The following MELK variants were observed in gnomAD, a reference collection of about 807,000 sequenced individuals.
MELK encodes the protein pEg3 kinase.
In MELK, 81 loss-of-function variants were observed where a neutral mutation model predicts 85.0. That is an observed-to-expected ratio of 0.95 (90% CI 0.80 to 1.15). The LOEUF (loss-of-function observed/expected upper bound fraction) is 1.15, where lower values mean the gene tolerates loss of function less well. Ranked by LOEUF, MELK falls within the 50% of genes most tolerant of loss-of-function variation. MELK has a pLI of 0.00. For synonymous variants in MELK, 252 were observed against 265.0 expected, an observed-to-expected ratio of 0.95 and a Z score of 0.48; for missense variants, 754 against 777.5, an observed-to-expected ratio of 0.97 and a Z score of 0.36.
chr9:36,583,676 G>C lies in MELK; in HGVS notation c.108G>C (p.Met36Ile), dbSNP rs199697478. ...KLACHILTGE[M>I]VAIKIMDKNT... ...CCTGCCATATCCTTACTGGAGAGAT[G>C]GTAGCTATAAAAATCATGGATAAAA... Residue 36 changes from methionine (M) to isoleucine (I), a missense_variant, in exon 3 of 18, where the codon ATG becomes ATC. Met to Ile is a conservative substitution (Grantham distance 10). Coordinates refer to ENST00000298048, the MANE Select transcript of MELK (RefSeq NM_014791.4). 1 of 1,612,606 alleles carries C rather than the reference G, an allele frequency of 6.2e-7. No homozygotes were observed. Among genetic ancestry groups the C allele is most frequent in the East Asian group, 2.2e-5 (1 of 44,802 alleles).
intron 8 of MELK, among the ~76,000 whole-genome samples, chr9:36,620,368 C>T (rs1392854826): frequency 2.0e-5 from 3 of 152,136 alleles, no homozygotes; most frequent in Non-Finnish European, 4.4e-5. Context: ...GGCTTTCCCA[C>T]GCATTTTAGG....
At chr9:36,652,011 GA>G in intron 12 of MELK, 134 bp downstream of exon 12, 2 of 482,646 alleles carry the variant, frequency 4.1e-6, no homozygotes, top group Non-Finnish European at 6.3e-6. Flanking sequence ...TTTTTGATGA[GA>G]AAAATGGGAA....
chr9:36,590,373 A>C (rs1419953775), intron 4 of MELK, among the ~76,000 whole-genome samples: 2 of 152,092 alleles, frequency 1.3e-5, no homozygotes, highest in African/African-American at 4.8e-5. Flanking sequence ...TTCCTTCTGG[A>C]GGTTCTGAGA....
At position 36,665,400 on chromosome 9, in the gene MELK, T is replaced by C; in HGVS notation, c.1227T>C (p.Thr409=). Residue 409 remains threonine (T), a synonymous_variant, in exon 14 of 18, where the codon ACT becomes ACC. Transcript: ENST00000298048. ...ESNGVESKSL[T]PALCRTPANK... is the part of the protein sequence containing the mutation. ...ATGGGGTGGAATCTAAATCATTAAC[T>C]CCAGCCTTATGCAGAACACCTGCAA... 3 of 1,613,710 alleles carry C rather than the reference T, an allele frequency of 1.9e-6. No individual in the cohort carries two copies. Among genetic ancestry groups the C allele is most frequent in the Non-Finnish European group, 1.7e-6 (2 of 1,179,808 alleles).
chr9:36,604,998 G>C (rs561429672), intron 7 of MELK, among the ~76,000 whole-genome samples: 64 of 151,980 alleles, frequency 4.2e-4, no homozygotes, highest in Non-Finnish European at 8.1e-4. Context: ...CCCCAGGCTG[G>C]AGTGCAATGG....
intron 14 of MELK, among the ~76,000 whole-genome samples, chr9:36,667,746 C>G (rs544050221): frequency 6.6e-6 from 1 of 151,692 alleles, no homozygotes; most frequent in Non-Finnish European, 1.5e-5. Context: ...TTTCTTTTTT[C>G]TCTTCTCTCC....
chr9:36,634,861 G>C (rs890048857), intron 10 of MELK, among the ~76,000 whole-genome samples: 1 of 151,852 alleles, frequency 6.6e-6, no homozygotes, highest in Non-Finnish European at 1.5e-5. Context: ...GCTGGGCGTG[G>C]TGGCACACAC....
rs76258907 is a variant in MELK at position 36,598,186 on chromosome 9, GT to G, written c.474+913del. Reference sequence around the variant, plus strand: ...CTGGGAACCAAATGCTAGAAGGCAGGTTTTTTTTTTTTTTTTTGATTGACAA... The same window carrying G: ...CTGGGAACCAAATGCTAGAAGGCAGGTTTTTTTTTTTTTTTTGATTGACAA... On this transcript the variant is annotated intron_variant, in intron 6 of 17. Transcript: ENST00000298048. Among the ~76,000 whole-genome samples the G allele has an allele frequency of 7.1e-3, 966 of 135,754 alleles. 3 individuals carry two copies. Among genetic ancestry groups the G allele is most frequent in the African/African-American group, 0.014 (527 of 37,092 alleles). 89.1% of individuals were successfully genotyped at this position (135,754 alleles called of 152,430 possible). A position where few individuals can be genotyped will look rare whatever the true frequency, so the allele number is the denominator to read the frequency against.
At chr9:36,621,306 A>AAAAAAAAAAAAAAAAAAAAAT (rs1827416995) in intron 8 of MELK, among the ~76,000 whole-genome samples, 1 of 140,718 alleles carries the variant, frequency 7.1e-6, no homozygotes, top group South Asian at 2.3e-4. Context: ...AAAAAAAAAA[A>AAAAAAAAAAAAAAAAAAAAAT]AAAAAAAAAA....
intron 4 of MELK, among the ~76,000 whole-genome samples, chr9:36,592,235 C>A (rs930081988): frequency 2.8e-5 from 4 of 141,280 alleles, no homozygotes; most frequent in Non-Finnish European, 6.0e-5. Flanking sequence ...AGTGCAATGG[C>A]GTAACCTTGG....
chr9:36,635,258 T>G (rs1829013242), intron 10 of MELK, among the ~76,000 whole-genome samples: 1 of 149,916 alleles, frequency 6.7e-6, no homozygotes, highest in Non-Finnish European at 1.5e-5. Flanking sequence ...ATTTATTTAT[T>G]TAATTTTAAT....
chr9:36,646,302 A>G (rs987476723), intron 11 of MELK, among the ~76,000 whole-genome samples: 1 of 152,198 alleles, frequency 6.6e-6, no homozygotes, highest in Non-Finnish European at 1.5e-5. Flanking sequence ...TGACATCCTG[A>G]GAGCTCTGCC....
At chr9:36,624,789 T>C (rs1827779828) in intron 8 of MELK, among the ~76,000 whole-genome samples, 1 of 152,190 alleles carries the variant, frequency 6.6e-6, no homozygotes, top group African/African-American at 2.4e-5. Context: ...AAAGGCATAA[T>C]GTCTCCTATT....
At chr9:36,657,942 A>C (rs1831417661) in intron 13 of MELK, among the ~76,000 whole-genome samples, 1 of 152,190 alleles carries the variant, frequency 6.6e-6, no homozygotes, top group Admixed American at 6.5e-5. Context: ...TAAATAGGTA[A>C]AGTCACCTTT....
chr9:36,669,463 T>G, intron 15 of MELK, 57 bp downstream of exon 15: 1 of 1,231,162 alleles, frequency 8.1e-7, no homozygotes, highest in Admixed American at 2.3e-5. Flanking sequence ...AGATTTCCTT[T>G]TTCATGTATT....
At chr9:36,583,560 T>TTA (rs879841402) in intron 2 of MELK, 67 bp from the exon 3 acceptor site, 1 of 1,000,816 alleles carries the variant, frequency 1.0e-6, no homozygotes, top group Non-Finnish European at 1.4e-6. Context: ...TTTAAAATTA[T>TTA]TATATATAAA....
At chr9:36,617,563 T>C (rs1012209204) in intron 8 of MELK, among the ~76,000 whole-genome samples, 1 of 152,162 alleles carries the variant, frequency 6.6e-6, no homozygotes, top group Non-Finnish European at 1.5e-5. Flanking sequence ...CAAGTGATCC[T>C]CCCACCTTGG....
intron 4 of MELK, among the ~76,000 whole-genome samples, chr9:36,591,666 C>T (rs533119874): frequency 1.2e-3 from 181 of 152,238 alleles, no homozygotes; most frequent in Non-Finnish European, 2.3e-3. Flanking sequence ...TGCAGTGTCT[C>T]GTGCCTGTAA....
At chr9:36,593,036 C>T (rs1366477084) in intron 4 of MELK, among the ~76,000 whole-genome samples, 84 of 152,288 alleles carry the variant, frequency 5.5e-4, no homozygotes, top group Admixed American at 1.8e-3. Context: ...ATGTAAATGA[C>T]TCATACAGTA....
Sources: allele counts gnomAD v4.1 joint callset (sites outside exome capture counted in the v4.1 genomes callset), GRCh38; gene constraint gnomAD v4.1.1; transcripts MANE v1.5; gene names NCBI Gene and HGNC (gene_info 2026-07-23, HGNC 2026-07-21).